TACC2: variants seen among roughly 807,000 people sequenced by gnomAD.
TACC2 encodes the protein transforming acidic coiled-coil containing protein 2.
Under a neutral mutation model 227.3 loss-of-function variants are expected in TACC2, and 137 were observed. The observed-to-expected ratio is 0.60, with a 90% CI of 0.52 to 0.69. The LOEUF is 0.69. Ranked by LOEUF, TACC2 falls within the 30% of genes least tolerant of loss-of-function variation. TACC2 has a pLI of 0.00. For synonymous variants in TACC2, 1,523 were observed against 1,487.5 expected, an observed-to-expected ratio of 1.02 and a Z score of -0.55; for missense variants, 3,470 against 3,694.4, an observed-to-expected ratio of 0.94 and a Z score of 1.57.
chr10:121,994,945 G>A (rs1009340614), intron 1 of TACC2, among the ~76,000 whole-genome samples: 9 of 152,130 alleles, frequency 5.9e-5, no homozygotes, highest in East Asian at 3.9e-4. Context: ...TCTAGACCTC[G>A]ATCTCTTCAT....
chr10:122,027,748 A>ATT (rs140880473), intron 2 of TACC2, among the ~76,000 whole-genome samples: 9,148 of 142,892 alleles, frequency 0.064, 404 homozygotes, highest in African/African-American at 0.12. Context: ...ACTTTCTGGG[A>ATT]TTTTTTTTTT....
At chr10:122,134,628 C>A (rs557849793) in intron 6 of TACC2, among the ~76,000 whole-genome samples, 2 of 152,222 alleles carry the variant, frequency 1.3e-5, no homozygotes, top group Non-Finnish European at 2.9e-5. Context: ...ATTCCTCCCC[C>A]TCTTTGTCCC....
chr10:122,072,034 A>G (rs1482562370), intron 3 of TACC2, among the ~76,000 whole-genome samples: 2 of 131,628 alleles, frequency 1.5e-5, no homozygotes, highest in Admixed American at 8.4e-5. Context: ...GTTGGAGTGC[A>G]GTGGCGCGAT....
chr10:122,028,985 C>T (rs1486651615), intron 2 of TACC2, among the ~76,000 whole-genome samples: 18 of 5,520 alleles, frequency 3.3e-3, no homozygotes, highest in African/African-American at 7.0e-3. Flanking sequence ...CCCCTCCCCT[C>T]CCCTCCCCTC....
intron 7 of TACC2, among the ~76,000 whole-genome samples, chr10:122,166,669 A>G (rs2093180975): frequency 6.6e-6 from 1 of 152,238 alleles, no homozygotes; most frequent in Non-Finnish European, 1.5e-5. Flanking sequence ...ACTTGTAAAG[A>G]TGCCCAGGTG....
At chr10:122,002,783 T>C (rs112729902) in intron 1 of TACC2, among the ~76,000 whole-genome samples, 30 of 152,356 alleles carry the variant, frequency 2.0e-4, no homozygotes, top group African/African-American at 6.7e-4. Flanking sequence ...CAGCCTCTTA[T>C]AATGTTTAAA....
At chr10:122,037,868 G>A (rs564555807) in intron 2 of TACC2, among the ~76,000 whole-genome samples, 21 of 152,322 alleles carry the variant, frequency 1.4e-4, no homozygotes, top group Middle Eastern at 3.4e-3. Context: ...AGAGCAAGAA[G>A]CCTGGGAGGC....
rs529687716 is a variant in TACC2, at chr10:122,003,564, A to G, written c.-46+14076A>G. Among the ~76,000 whole-genome samples, 80 of 152,252 alleles carry G rather than the reference A, an allele frequency of 5.3e-4. 1 individual carries two copies. The South Asian group carries it at 0.016, about 31-fold the overall frequency. On this transcript the variant is annotated intron_variant, in intron 1 of 22. Transcript: ENST00000369005. ...AACTCTATTTTGCCTTTAACCTCCA[A>G]ACTTCCTGTGGTCACTTCCGGATGT...
intron 21 of TACC2, 33 bp from the exon 22 acceptor site, chr10:122,249,511 A>G (rs1293504276): frequency 1.9e-6 from 3 of 1,608,482 alleles, no homozygotes; most frequent in East Asian, 2.2e-5. Flanking sequence ...GATCCACAAA[A>G]GAGTGATAAT....
chr10:122,093,383 A>G (rs1306437070), intron 5 of TACC2, among the ~76,000 whole-genome samples: 1 of 151,802 alleles, frequency 6.6e-6, no homozygotes, highest in African/African-American at 2.4e-5. Flanking sequence ...TTTTCCCTCC[A>G]CTCCGTTCTA....
At chr10:122,118,920 CCATACT>C (rs1264743299) in intron 5 of TACC2, among the ~76,000 whole-genome samples, 1 of 152,126 alleles carries the variant, frequency 6.6e-6, no homozygotes, top group East Asian at 1.9e-4. Flanking sequence ...TTCCATGAAC[CCATACT>C]GTGTATTGAG....
At chr10:122,166,892 G>A (rs1381692882) in intron 7 of TACC2, among the ~76,000 whole-genome samples, 1 of 152,190 alleles carries the variant, frequency 6.6e-6, no homozygotes, top group East Asian at 1.9e-4. Flanking sequence ...TCTCAGTATG[G>A]ATGGTAGGAG....
chr10:122,121,407 T>C (rs2085762269), intron 5 of TACC2, among the ~76,000 whole-genome samples: 1 of 152,148 alleles, frequency 6.6e-6, no homozygotes, highest in Non-Finnish European at 1.5e-5. Flanking sequence ...TCCGAGAGGA[T>C]CTTTTTCAAG....
chr10:122,033,515 G>T (rs977253506), intron 2 of TACC2, among the ~76,000 whole-genome samples: 8 of 152,152 alleles, frequency 5.3e-5, no homozygotes, highest in Admixed American at 5.2e-4. Flanking sequence ...AGTGAAGCTG[G>T]GAATGGGGTG....
At chr10:122,161,651 C>G (rs146536265) in intron 7 of TACC2, among the ~76,000 whole-genome samples, 2 of 152,346 alleles carry the variant, frequency 1.3e-5, no homozygotes, top group East Asian at 3.9e-4. Context: ...AGGCTAAGGA[C>G]GTTTAGATGG....
chr10:122,168,438 C>T (rs995144876), intron 7 of TACC2, among the ~76,000 whole-genome samples: 1 of 152,148 alleles, frequency 6.6e-6, no homozygotes, highest in Non-Finnish European at 1.5e-5. Flanking sequence ...AGCTTGGGTG[C>T]ATTTTTCCCT....
chr10:122,053,874 T>C (rs1443637081), intron 3 of TACC2, among the ~76,000 whole-genome samples: 1 of 152,224 alleles, frequency 6.6e-6, no homozygotes, highest in African/African-American at 2.4e-5. Context: ...CCTGCAACTC[T>C]TTCTGTTTTC....
At chr10:122,029,453 G>T (rs2461214) in intron 2 of TACC2, among the ~76,000 whole-genome samples, 71 of 152,018 alleles carry the variant, frequency 4.7e-4, no homozygotes, top group African/African-American at 1.7e-3. Context: ...ATATTGCTCT[G>T]TAGTTTTCTT....
intron 22 of TACC2, among the ~76,000 whole-genome samples, chr10:122,253,453 C>G (rs1352393317): frequency 6.6e-6 from 1 of 152,230 alleles, no homozygotes; most frequent in South Asian, 2.1e-4. Context: ...GGAGAATCAC[C>G]TTAAAGCCAG....
Sources: gnomAD v4.1 joint callset for allele counts (sites outside exome capture counted in the v4.1 genomes callset) on GRCh38, gnomAD v4.1.1 for gene constraint, MANE v1.5 for transcripts, NCBI Gene and HGNC (gene_info 2026-07-23, HGNC 2026-07-21) for gene names.